The following VEZF1 variants were observed in gnomAD, a reference collection of about 807,000 sequenced individuals.
VEZF1 encodes the protein putative transcription factor DB1.
Under a neutral mutation model 44.1 loss-of-function variants are expected in VEZF1, and 5 were observed. That is an observed-to-expected ratio of 0.11 (90% confidence interval 0.06 to 0.24). VEZF1 has a LOEUF of 0.24. VEZF1 is among the 10% of genes least tolerant of loss of function. The pLI is 1.00. For synonymous variants in VEZF1, 236 were observed against 233.1 expected, an observed-to-expected ratio of 1.01 and a Z score of -0.11; for missense variants, 358 against 641.8, an observed-to-expected ratio of 0.56 and a Z score of 4.78.
chr17:57,985,294 AT>A, intron 1 of VEZF1: 1 of 1,231,664 alleles, frequency 8.1e-7, no homozygotes, highest in East Asian at 3.2e-5. Context: ...AACATAAAGT[AT>A]TTTTACAGCA....
At chr17:57,984,932 C>G (rs1245172920) in intron 1 of VEZF1, among the ~76,000 whole-genome samples, 1 of 152,218 alleles carries the variant, frequency 6.6e-6, no homozygotes, top group Non-Finnish European at 1.5e-5. Context: ...CTGCTCCTAG[C>G]AAATTACAGT....
Position 57,982,685 on chromosome 17 carries a change from G to A in VEZF1, c.728+14C>T, listed in dbSNP as rs761044589. On this transcript the variant is annotated intron_variant, in intron 2 of 5. Coordinates refer to ENST00000581208, the MANE Select transcript of VEZF1 (RefSeq NM_007146.3). ...CCATAATGAAGCAAAGCAAAGCAAA[G>A]CAAAATGCAGTACCTTGAGAAGCCT... 1 of 1,588,928 alleles carries A rather than the reference G, an allele frequency of 6.3e-7. No homozygotes were observed. The highest frequency in any genetic ancestry group is 1.2e-5 in the South Asian group (1 of 86,414).
rs182962987 is a variant in VEZF1 at position 57,987,801 on chromosome 17, G to A, written c.33+278C>T. On this transcript the variant is annotated intron_variant, in intron 1 of 5. Transcript: ENST00000581208. ...CCTCCCTTCCCCTTCAGAGCGAGAGGGAAGGGTGTGTGTGAGTGTGTGTGT... is the reference window on the plus strand; with the variant it reads ...CCTCCCTTCCCCTTCAGAGCGAGAGAGAAGGGTGTGTGTGAGTGTGTGTGT... Among the ~76,000 whole-genome samples, 73 of 152,114 alleles carry A rather than the reference G, an allele frequency of 4.8e-4. 1 individual carries two copies. Among genetic ancestry groups the A allele is most frequent in the Admixed American group, 6.5e-5 (1 of 15,298 alleles).
intron 4 of VEZF1, among the ~76,000 whole-genome samples, 195 bp from the exon 5 acceptor site, chr17:57,979,508 T>A (rs2075225953): frequency 7.6e-6 from 1 of 131,460 alleles, no homozygotes; most frequent in South Asian, 2.4e-4. Flanking sequence ...CTAGCAAAAA[T>A]CAATATAAAA....
chr17:57,986,055 C>T (rs2075290251), intron 1 of VEZF1: 1 of 152,098 alleles, frequency 6.6e-6, no homozygotes, highest in African/African-American at 2.4e-5. Context: ...TTTAAGTTTT[C>T]CAACAAATTT....
intron 3 of VEZF1, 124 bp from the exon 4 acceptor site, chr17:57,980,910 T>C (rs1598047230): frequency 9.3e-6 from 8 of 859,610 alleles, no homozygotes; most frequent in Non-Finnish European, 1.4e-5. Flanking sequence ...GAATTTTAAT[T>C]GCATATGTTA....
At position 57,982,955 on chromosome 17, in the gene VEZF1, G is replaced by A. The variant is rs542654347; in HGVS notation, c.472C>T (p.Pro158Ser). ...GGTTTCTTGACAGACTGGGTCACTGGCATAGCTGTGGTGCTGGCACTGCTA... is the reference window on the plus strand; with the variant it reads ...GGTTTCTTGACAGACTGGGTCACTGACATAGCTGTGGTGCTGGCACTGCTA... Reference protein sequence around the residue: ...PSSSASTTAMPVTQSVKKPSK... With the variant: ...PSSSASTTAMSVTQSVKKPSK... Residue 158 changes from proline (P) to serine (S), a missense_variant, in exon 2 of 6, where the codon CCA becomes TCA. Physicochemically the swap from Pro to Ser is moderately conservative, Grantham distance 74. This residue lies in a region of VEZF1 where 117 missense variants were observed against 207.2 expected (regional missense o/e 0.56). Coordinates refer to ENST00000581208, the MANE Select transcript of VEZF1 (RefSeq NM_007146.3). 3 of 1,614,178 alleles carry A rather than the reference G, an allele frequency of 1.9e-6. No individual in the cohort carries two copies. Among genetic ancestry groups the A allele is most frequent in the Non-Finnish European group, 2.5e-6 (3 of 1,180,038 alleles).
At chr17:57,978,876 A>G (rs2075217820) in intron 5 of VEZF1, among the ~76,000 whole-genome samples, 1 of 152,236 alleles carries the variant, frequency 6.6e-6, no homozygotes, top group Non-Finnish European at 1.5e-5. Context: ...TGAGCATAGC[A>G]AAGGACCAAA....
At chr17:57,985,045 C>T (rs1340676997) in intron 1 of VEZF1, among the ~76,000 whole-genome samples, 1 of 152,146 alleles carries the variant, frequency 6.6e-6, no homozygotes, top group African/African-American at 2.4e-5. Context: ...GTTGTAACCC[C>T]TTTTCCAACC....
In VEZF1 at chr17:57,973,116, T is replaced by C. The variant is rs565743681; in HGVS notation, c.*1357A>G. 1 of 152,286 alleles carries C rather than the reference T, an allele frequency of 6.6e-6. No individual in the cohort carries two copies. Among genetic ancestry groups the C allele is most frequent in the African/African-American group, 2.4e-5 (1 of 41,556 alleles). 9.4% of individuals were successfully genotyped at this position (152,286 alleles called of 1,614,324 possible). A position where few individuals can be genotyped will look rare whatever the true frequency, so the allele number is the denominator to read the frequency against. On this transcript the variant is annotated 3_prime_UTR_variant, in exon 6 of 6. Coordinates refer to ENST00000581208, the MANE Select transcript of VEZF1 (RefSeq NM_007146.3). ...TTTTAACGCAATGCTTTAAAAACAA[T>C]GCGTGGCATGATGGTGTAAAGAGTA...
chr17:57,984,144 A>G (rs539342779), intron 1 of VEZF1, among the ~76,000 whole-genome samples: 8 of 152,352 alleles, frequency 5.3e-5, no homozygotes, highest in African/African-American at 1.9e-4. Context: ...TCAAAGACAG[A>G]CTAATGAGAA....
intron 2 of VEZF1, 103 bp downstream of exon 2, chr17:57,982,596 G>A (rs578229431): frequency 1.8e-6 from 2 of 1,129,564 alleles, no homozygotes; most frequent in East Asian, 2.4e-5. Context: ...ACACAGGTCT[G>A]CCCACATCTG....
At chr17:57,981,824 A>G in intron 3 of VEZF1, 49 bp downstream of exon 3, 3 of 1,561,212 alleles carry the variant, frequency 1.9e-6, no homozygotes, top group Non-Finnish European at 2.6e-6. Context: ...GACCTTCTGG[A>G]TAATGTGCAT....
intron 5 of VEZF1, among the ~76,000 whole-genome samples, chr17:57,976,752 A>T (rs980610694): frequency 2.6e-5 from 4 of 152,182 alleles, no homozygotes; most frequent in African/African-American, 7.2e-5. Context: ...TCAGAAGATG[A>T]GCTAAACAAC....
In VEZF1 at chr17:57,974,341, T is replaced by C; in HGVS notation, c.*132A>G. The C allele has an allele frequency of 1.8e-6, 2 of 1,083,806 alleles. No homozygotes were observed. Among genetic ancestry groups the C allele is most frequent in the Non-Finnish European group, 2.6e-6 (2 of 769,026 alleles). 67.1% of individuals were successfully genotyped at this position (1,083,806 alleles called of 1,614,324 possible). A position where few individuals can be genotyped will look rare whatever the true frequency, so the allele number is the denominator to read the frequency against. ...TAATCCCAGCCAAATTGGAGAAAAA[T>C]GCTACCACACTCTTATTAACTAATG... is the stretch of plus-strand genomic sequence containing the variant. On this transcript the variant is annotated 3_prime_UTR_variant, in exon 6 of 6. Transcript: ENST00000581208.
At chr17:57,986,586 T>A (rs2075295868) in intron 1 of VEZF1, among the ~76,000 whole-genome samples, 1 of 152,200 alleles carries the variant, frequency 6.6e-6, no homozygotes, top group African/African-American at 2.4e-5. Flanking sequence ...AGTTCATGAA[T>A]TCCATAATGT....
intron 1 of VEZF1, among the ~76,000 whole-genome samples, chr17:57,985,765 G>A (rs1281399466): frequency 1.3e-5 from 2 of 152,088 alleles, no homozygotes; most frequent in African/African-American, 2.4e-5. Flanking sequence ...AATTAACATC[G>A]GTGAGTCACA....
At chr17:57,979,970 C>CAAAAAAAAAAAAAAAAAA (rs11359148) in intron 4 of VEZF1, among the ~76,000 whole-genome samples, 1 of 68,430 alleles carries the variant, frequency 1.5e-5, no homozygotes, top group African/African-American at 4.2e-5. Context: ...GACTCCGTCT[C>CAAAAAAAAAAAAAAAAAA]AAAAAAAAAA....
At chr17:57,982,527 C>A (rs983831275) in intron 2 of VEZF1, among the ~76,000 whole-genome samples, 172 bp downstream of exon 2, 1 of 152,112 alleles carries the variant, frequency 6.6e-6, no homozygotes, top group South Asian at 2.1e-4. Context: ...GTCAATCACA[C>A]CAAACTGAGG....
Sources: allele counts gnomAD v4.1 joint callset (sites outside exome capture counted in the v4.1 genomes callset), GRCh38; gene constraint gnomAD v4.1.1; regional missense constraint gnomAD v4.1.1; transcripts MANE v1.5; gene names NCBI Gene and HGNC (gene_info 2026-07-23, HGNC 2026-07-21).